Variants in FNDC7 observed in about 807,000 individuals in gnomAD.
FNDC7 encodes fibronectin type III domain containing 7, also known as fibronectin type III domain-containing protein 7.
In FNDC7, 66 loss-of-function variants were observed where a neutral mutation model predicts 74.2. That is an observed-to-expected ratio of 0.89 (90% CI 0.73 to 1.09). The LOEUF is 1.09. FNDC7 is among the 50% of genes least tolerant of loss of function. The probability of loss-of-function intolerance (pLI) is 0.00; values close to 1 mark genes in which losing one functional copy is unlikely to be tolerated. For missense variants in FNDC7, 829 were observed against 893.4 expected (o/e 0.93, Z 0.92); for synonymous variants, 307 against 330.2 (o/e 0.93, Z 0.76).
At chr1:108,737,380 G>C in intron 10 of FNDC7, 115 bp from the exon 11 acceptor site, 1 of 855,970 alleles carries the variant, frequency 1.2e-6, no homozygotes, top group Non-Finnish European at 1.8e-6. Flanking sequence ...ACCCAAGTTC[G>C]TTCTTGTTCG....
At chr1:108,717,509 TA>T (rs2101076932) in intron 2 of FNDC7, among the ~76,000 whole-genome samples, 1 of 152,344 alleles carries the variant, frequency 6.6e-6, no homozygotes, top group Non-Finnish European at 1.5e-5. Context: ...TTAGCTCTTT[TA>T]AAAGTACAAA....
At position 108,718,843 on chromosome 1, in the gene FNDC7, T is replaced by C. The variant is rs980241378; in HGVS notation, c.392T>C (p.Val131Ala). 2 of 1,551,826 alleles carry C rather than the reference T, an allele frequency of 1.3e-6. No individual in the cohort carries two copies. The highest frequency in any genetic ancestry group is 1.4e-5 in the African/African-American group (1 of 73,058). The change falls in exon 4 of 13, where the codon GTG becomes GCG. Residue 131 changes from valine to alanine, a missense_variant. By Grantham distance (64) the Val-to-Ala change is moderately conservative (BLOSUM62 0). Transcript: ENST00000370017. ...VSSPSSDSIL[V>A]QWEAVYMAIA... ...TCTCCAAGTTCAGACTCCATTCTTG[T>C]GCAGTGGGAAGCTGTATATATGGCA...
intron 5 of FNDC7, 55 bp downstream of exon 5, chr1:108,722,647 G>A (rs1661120061): frequency 6.5e-6 from 10 of 1,527,046 alleles, no homozygotes; most frequent in African/African-American, 1.4e-5. Context: ...CTGCTGTAAG[G>A]GAGACGTTCA....
In FNDC7 at chr1:108,725,892, TCTCA is replaced by T; in HGVS notation, c.1004_1007del (p.Thr335SerfsTer71). 5 of 1,614,132 alleles carry T rather than the reference TCTCA, an allele frequency of 3.1e-6. No individual in the cohort carries two copies. The highest frequency in any genetic ancestry group is 4.2e-6 in the Non-Finnish European group (5 of 1,180,022). On this transcript the variant is annotated frameshift_variant, in exon 6 of 13. Transcript: ENST00000370017. LOFTEE classifies it high-confidence loss of function. ...GCTTGGAAGTACACTGCAACACATC[TCTCA>T]CTCAGTGCAACTTCTTATCTGAGTG...
At chr1:108,736,963 CTTTTT>C (rs1173562405) in intron 10 of FNDC7, among the ~76,000 whole-genome samples, 68 of 99,422 alleles carry the variant, frequency 6.8e-4, no homozygotes, top group African/African-American at 2.7e-3. Flanking sequence ...GCTTGGCATT[CTTTTT>C]TTTTTTTTTT....
chr1:108,719,361 A>G (rs1661043635), intron 4 of FNDC7, among the ~76,000 whole-genome samples: 1 of 152,060 alleles, frequency 6.6e-6, no homozygotes, highest in Non-Finnish European at 1.5e-5. Context: ...TTTACCCATC[A>G]CCCCTTGTCC....
intron 11 of FNDC7, among the ~76,000 whole-genome samples, chr1:108,738,342 C>G (rs1014063793): frequency 6.6e-6 from 1 of 152,086 alleles, no homozygotes; most frequent in Non-Finnish European, 1.5e-5. Flanking sequence ...ATTTTGGTTG[C>G]CCCCACAGAG....
intron 6 of FNDC7, among the ~76,000 whole-genome samples, chr1:108,727,089 G>A (rs919314168): frequency 2.6e-5 from 4 of 152,324 alleles, no homozygotes; most frequent in East Asian, 1.9e-4. Context: ...ACTTTGGGAA[G>A]CCGAGGCAGG....
chr1:108,719,697 C>T (rs1399967684), intron 4 of FNDC7, among the ~76,000 whole-genome samples: 1 of 151,720 alleles, frequency 6.6e-6, no homozygotes, highest in Non-Finnish European at 1.5e-5. Context: ...GACTCTGCAG[C>T]ATTACAACTG....
At position 108,733,363 on chromosome 1, in the gene FNDC7, C is replaced by A; in HGVS notation, c.1971C>A (p.Tyr657Ter). Reference protein sequence around the residue: ...YWQASRGSANYSTDLYGSKGI... With the variant: ...YWQASRGSAN ...AAGCCTCCAGGGGCTCTGCCAATTACAGCACTGACCTCTATGGCTCCAAAG... is the reference window on the plus strand; with the variant it reads ...AAGCCTCCAGGGGCTCTGCCAATTAAAGCACTGACCTCTATGGCTCCAAAG... The change falls in exon 10 of 13, where the codon TAC (tyrosine) becomes TAA (stop). Residue 657 changes from tyrosine to a stop codon, truncating the protein, a stop_gained. Coordinates refer to ENST00000370017, the MANE Select transcript of FNDC7 (RefSeq NM_001144937.3). LOFTEE classifies it high-confidence loss of function. The A allele has an allele frequency of 6.2e-7, 1 of 1,614,166 alleles. No homozygotes were observed. The highest frequency in any genetic ancestry group is 2.2e-5 in the East Asian group (1 of 44,872).
chr1:108,739,696 T>A (rs1661593579), intron 11 of FNDC7, among the ~76,000 whole-genome samples: 1 of 152,174 alleles, frequency 6.6e-6, no homozygotes, highest in Non-Finnish European at 1.5e-5. Flanking sequence ...CCTAGTGAAG[T>A]GCCTCTATAT....
At chr1:108,733,151 G>A in intron 9 of FNDC7, 121 bp from the exon 10 acceptor site, 1 of 1,234,492 alleles carries the variant, frequency 8.1e-7, no homozygotes, top group Admixed American at 2.1e-5. Flanking sequence ...GATCTAACCA[G>A]TAATTAATCC....
In FNDC7 at chr1:108,712,968, T is replaced by A; in HGVS notation, c.35T>A (p.Ile12Asn). 1 of 1,551,680 alleles carries A rather than the reference T, an allele frequency of 6.4e-7. No individual in the cohort carries two copies. Among genetic ancestry groups the A allele is most frequent in the African/African-American group, 1.4e-5 (1 of 73,170 alleles). Residue 12 changes from isoleucine to asparagine, a missense_variant, in exon 1 of 13, where the codon ATT (isoleucine) becomes AAT (asparagine). Ile to Asn is a moderately radical substitution (Grantham distance 149, BLOSUM62 -3). Coordinates refer to ENST00000370017, the MANE Select transcript of FNDC7 (RefSeq NM_001144937.3). ...GGACGAGAGACATGTTTGCCTTTGATTGGATTCATTCTTATCTGTCTTAAA... is the reference window on the plus strand; with the variant it reads ...GGACGAGAGACATGTTTGCCTTTGAATGGATTCATTCTTATCTGTCTTAAA... The part of the protein sequence containing the change: ...AGGRETCLPL[I>N]GFILICLKMV...
intron 8 of FNDC7, among the ~76,000 whole-genome samples, chr1:108,729,987 A>G (rs1041450759): frequency 6.6e-6 from 1 of 152,224 alleles, no homozygotes; most frequent in Non-Finnish European, 1.5e-5. Context: ...GTACTATGAA[A>G]TTTTCAAGAA....
intron 4 of FNDC7, among the ~76,000 whole-genome samples, chr1:108,719,372 C>T (rs747704522): frequency 3.3e-5 from 5 of 152,158 alleles, no homozygotes; most frequent in Non-Finnish European, 5.9e-5. Context: ...CCCCTTGTCC[C>T]TTTCTGGGTT....
intron 11 of FNDC7, among the ~76,000 whole-genome samples, chr1:108,739,748 G>C (rs1390455706): frequency 6.6e-6 from 1 of 152,176 alleles, no homozygotes; most frequent in Admixed American, 6.5e-5. Context: ...CATGAAGTTT[G>C]AGGAGCACTG....
chr1:108,741,777 T>C lies in FNDC7; in HGVS notation c.2175T>C (p.Ile725=). The change falls in exon 12 of 13, where the codon ATT becomes ATC. Residue 725 remains isoleucine, a synonymous_variant. Transcript: ENST00000370017. ...TCSGSTLGMV[I]YRGKRNEE is the part of the protein sequence containing the mutation. ...TCCCTTCCTTACCCTTTTCAGTGATTTATAGAGGGAAGAGAAATGAAGAAT... is the reference window on the plus strand; with the variant it reads ...TCCCTTCCTTACCCTTTTCAGTGATCTATAGAGGGAAGAGAAATGAAGAAT... The C allele has an allele frequency of 6.2e-7, 1 of 1,613,862 alleles. No individual in the cohort carries two copies. Among genetic ancestry groups the C allele is most frequent in the Non-Finnish European group, 8.5e-7 (1 of 1,179,948 alleles).
At position 108,722,530 on chromosome 1, in the gene FNDC7, C is replaced by T; in HGVS notation, c.794C>T (p.Ser265Leu). The change falls in exon 5 of 13, where the codon TCA becomes TTA. Residue 265 changes from serine (S) to leucine (L), a missense_variant. Transcript: ENST00000370017. ...CAGTGTGGAACTGAATACTTGATTT[C>T]AGTTTTAGCAAGTAATGATGCTGGA... ...SLQCGTEYLISVLASNDAGSS... is the reference protein window; with the variant it reads ...SLQCGTEYLILVLASNDAGSS... 1 of 1,614,204 alleles carries T rather than the reference C, an allele frequency of 6.2e-7. No homozygotes were observed. Among genetic ancestry groups the T allele is most frequent in the South Asian group, 1.1e-5 (1 of 91,082 alleles).
At chr1:108,716,171 A>C (rs1403689628) in intron 2 of FNDC7, among the ~76,000 whole-genome samples, 1 of 152,184 alleles carries the variant, frequency 6.6e-6, no homozygotes, top group Non-Finnish European at 1.5e-5. Context: ...TTTCCCAGGA[A>C]GTTAGTTCAT....
Sources: allele counts gnomAD v4.1 joint callset (sites outside exome capture counted in the v4.1 genomes callset), GRCh38; gene constraint gnomAD v4.1.1; transcripts MANE v1.5; gene names NCBI Gene and HGNC (gene_info 2026-07-23, HGNC 2026-07-21).